Variants in PPP2R2B observed in about 807,000 individuals in gnomAD.
PPP2R2B encodes protein phosphatase 2 regulatory subunit Bbeta, also known as serine/threonine-protein phosphatase 2A 55 kDa regulatory subunit B beta isoform.
In PPP2R2B, 5 loss-of-function variants were observed where a neutral mutation model predicts 46.0. The ratio of observed to expected loss-of-function variants is 0.11; its 90% CI spans 0.06 to 0.23. PPP2R2B has a LOEUF of 0.23. Ranked by LOEUF, PPP2R2B falls within the 10% of genes least tolerant of loss-of-function variation. The probability of loss-of-function intolerance (pLI) is 1.00; values close to 1 mark genes in which losing one functional copy is unlikely to be tolerated. For synonymous variants in PPP2R2B, 215 were observed against 206.7 expected (o/e 1.04, Z -0.34); for missense variants, 367 against 575.0 (o/e 0.64, Z 3.70).
chr5:147,037,424 A>C (rs1293027612), intron 1 of PPP2R2B, among the ~76,000 whole-genome samples: 1 of 151,910 alleles, frequency 6.6e-6, no homozygotes, highest in Non-Finnish European at 1.5e-5. Flanking sequence ...GTGTATGTAC[A>C]TATATGTATA....
chr5:146,878,468 A>C lies in PPP2R2B; in HGVS notation c.-125+123T>G. On this transcript the variant is annotated intron_variant, in intron 1 of 9. Coordinates refer to ENST00000394411, the MANE Select transcript of PPP2R2B (RefSeq NM_181675.4). This position sits in a 1 kb window ranked among gnomAD's most constrained non-coding sequence, Gnocchi z 4.5. ...TGCCCAACAGGTTCCCCTCCTTGGC[A>C]GCCGCTCCAAAATGCAAAAAAGATC... The C allele has an allele frequency of 7.4e-7, 1 of 1,344,544 alleles. No homozygotes were observed. Among genetic ancestry groups the C allele is most frequent in the African/African-American group, 1.5e-5 (1 of 66,642 alleles). 83.3% of individuals were successfully genotyped at this position (1,344,544 alleles called of 1,614,324 possible). A position where few individuals can be genotyped will look rare whatever the true frequency, so the allele number is the denominator to read the frequency against.
chr5:147,079,960 AATCGT>A (rs1439639299), intron 2 of PPP2R2B, among the ~76,000 whole-genome samples: 13 of 152,192 alleles, frequency 8.5e-5, no homozygotes, highest in Non-Finnish European at 1.5e-5. Flanking sequence ...AAATATGTGC[AATCGT>A]ATCAATTTCT....
intron 5 of PPP2R2B, among the ~76,000 whole-genome samples, chr5:146,660,458 C>G (rs186335463): frequency 1.9e-3 from 290 of 152,164 alleles, no homozygotes; most frequent in Non-Finnish European, 3.1e-3. Context: ...GAGCGTTAAA[C>G]CTCACTTTGG....
intron 2 of PPP2R2B, among the ~76,000 whole-genome samples, chr5:146,754,839 TG>T (rs2151242922): frequency 6.6e-6 from 1 of 152,258 alleles, no homozygotes; most frequent in African/African-American, 2.4e-5. Flanking sequence ...TGAGCCATGA[TG>T]GAAGCACTTC....
chr5:146,640,435 G>T (rs1775126272), intron 6 of PPP2R2B, among the ~76,000 whole-genome samples: 1 of 152,216 alleles, frequency 6.6e-6, no homozygotes, highest in Non-Finnish European at 1.5e-5. Flanking sequence ...TCAGGAGGAG[G>T]CTCTAGGCTG....
chr5:146,686,084 C>G (rs1472898945), intron 5 of PPP2R2B, among the ~76,000 whole-genome samples: 1 of 152,200 alleles, frequency 6.6e-6, no homozygotes, highest in East Asian at 1.9e-4. Context: ...CTTCCGTTTT[C>G]TAGCCATGAG....
At chr5:146,641,122 G>T (rs1386531748) in intron 6 of PPP2R2B, among the ~76,000 whole-genome samples, 2 of 152,188 alleles carry the variant, frequency 1.3e-5, no homozygotes, top group African/African-American at 4.8e-5. Context: ...CCTGCCCTGT[G>T]CTAACACTTT....
chr5:146,752,369 G>A (rs1226859522), intron 2 of PPP2R2B, among the ~76,000 whole-genome samples: 4 of 152,146 alleles, frequency 2.6e-5, no homozygotes, highest in African/African-American at 4.8e-5. Context: ...TCCATCGAAT[G>A]TCTTCTCTTT....
chr5:146,684,587 T>A (rs1778373759), intron 5 of PPP2R2B, among the ~76,000 whole-genome samples: 1 of 152,206 alleles, frequency 6.6e-6, no homozygotes, highest in East Asian at 1.9e-4. Flanking sequence ...GCAATGCACA[T>A]CCTGTATGCC....
chr5:147,057,756 G>C (rs757764379), upstream of PPP2R2B, among the ~76,000 whole-genome samples: 1 of 152,158 alleles, frequency 6.6e-6, no homozygotes, highest in Non-Finnish European at 1.5e-5. Context: ...TGCTTAAGAG[G>C]AGTGAGGCTG....
rs1442457527 is a variant in PPP2R2B at position 146,589,432 on chromosome 5, G to GA, written c.*514dup. The GA allele has an allele frequency of 2.0e-5, 3 of 153,608 alleles. No homozygotes were observed. The highest frequency in any genetic ancestry group is 1.3e-4 in the Admixed American group (2 of 15,438). 9.5% of individuals were successfully genotyped at this position (153,608 alleles called of 1,614,324 possible). A position where few individuals can be genotyped will look rare whatever the true frequency, so the allele number is the denominator to read the frequency against. ...AAATGAAATTGTTCAAAGGAAAATG[G>GA]AAAATGGAAAAAAAAATGGTGGAGG... is the stretch of plus-strand genomic sequence containing the variant. On this transcript the variant is annotated 3_prime_UTR_variant, in exon 10 of 10. Coordinates refer to ENST00000394411, the MANE Select transcript of PPP2R2B (RefSeq NM_181675.4).
chr5:146,602,745 T>A (rs758365949), intron 7 of PPP2R2B, among the ~76,000 whole-genome samples: 1 of 152,150 alleles, frequency 6.6e-6, no homozygotes, highest in Non-Finnish European at 1.5e-5. Flanking sequence ...GAATTGAAAT[T>A]GCAAAAATTT....
At chr5:146,854,719 G>A (rs1760549838) in intron 2 of PPP2R2B, among the ~76,000 whole-genome samples, 1 of 152,034 alleles carries the variant, frequency 6.6e-6, no homozygotes, top group South Asian at 2.1e-4. Context: ...CACACTGATC[G>A]CTAAGCTGTG....
chr5:146,772,091 G>A (rs940402955), intron 2 of PPP2R2B, among the ~76,000 whole-genome samples: 3 of 152,008 alleles, frequency 2.0e-5, no homozygotes, highest in Non-Finnish European at 4.4e-5. Flanking sequence ...AAATGGTAAA[G>A]CAAATTCTGG....
At chr5:146,698,555 C>A (rs1216917851) in intron 3 of PPP2R2B, among the ~76,000 whole-genome samples, 1 of 151,760 alleles carries the variant, frequency 6.6e-6, no homozygotes, top group Non-Finnish European at 1.5e-5. Flanking sequence ...CTTACATCGA[C>A]CCCTTAAAGA....
At chr5:146,956,972 G>A (rs925783147) in intron 1 of PPP2R2B, among the ~76,000 whole-genome samples, 8 of 152,206 alleles carry the variant, frequency 5.3e-5, no homozygotes, top group Non-Finnish European at 1.0e-4. Context: ...TAATACCATC[G>A]CTTGGGGGTT....
chr5:146,700,790 C>G (rs1429731181), intron 3 of PPP2R2B, among the ~76,000 whole-genome samples: 1 of 152,146 alleles, frequency 6.6e-6, no homozygotes, highest in Non-Finnish European at 1.5e-5. Context: ...TTTTGCAGGT[C>G]AGGCGAGAAG....
At chr5:146,901,201 A>G (rs1428982089) in intron 1 of PPP2R2B, among the ~76,000 whole-genome samples, 1 of 152,188 alleles carries the variant, frequency 6.6e-6, no homozygotes, top group Admixed American at 6.5e-5. Context: ...GTGCTAACAT[A>G]AAATATCTGT....
chr5:146,885,808 T>C (rs1023751811), intron 1 of PPP2R2B, among the ~76,000 whole-genome samples: 2 of 152,214 alleles, frequency 1.3e-5, no homozygotes, highest in African/African-American at 4.8e-5. Flanking sequence ...GAACGAAGTA[T>C]TGAAACATGC....
Sources: allele counts gnomAD v4.1 joint callset (sites outside exome capture counted in the v4.1 genomes callset), GRCh38; gene constraint gnomAD v4.1.1; non-coding constraint Gnocchi (gnomAD v3.1); transcripts MANE v1.5; gene names NCBI Gene and HGNC (gene_info 2026-07-23, HGNC 2026-07-21).